Variants in SLC35F2 observed in about 807,000 individuals in gnomAD.
SLC35F2 encodes the protein queuine/queuosine transporter SLC35F2.
Under a neutral mutation model 38.1 loss-of-function variants are expected in SLC35F2, and 25 were observed. The observed-to-expected ratio is 0.66, with a 90% CI of 0.48 to 0.92. The LOEUF (loss-of-function observed/expected upper bound fraction) is 0.92, where lower values mean the gene tolerates loss of function less well. SLC35F2 is among the 40% of genes least tolerant of loss of function. SLC35F2 has a pLI of 0.00. For synonymous variants in SLC35F2, 173 were observed against 181.7 expected, an observed-to-expected ratio of 0.95 and a Z score of 0.38; for missense variants, 409 against 452.9, an observed-to-expected ratio of 0.90 and a Z score of 0.88.
intron 1 of SLC35F2, among the ~76,000 whole-genome samples, chr11:107,840,231 TC>T (rs1859993335): frequency 6.6e-6 from 1 of 152,192 alleles, no homozygotes; most frequent in African/African-American, 2.4e-5. Flanking sequence ...GCAGGTAGGA[TC>T]AGGAAGCATA....
chr11:107,834,117 T>C (rs1859892902), intron 1 of SLC35F2, among the ~76,000 whole-genome samples: 1 of 152,182 alleles, frequency 6.6e-6, no homozygotes, highest in East Asian at 1.9e-4. Context: ...AGGATCTACT[T>C]ACACAGGTTA....
intron 7 of SLC35F2, 134 bp downstream of exon 7, chr11:107,802,866 AG>A (rs1859332845): frequency 1.2e-6 from 1 of 815,474 alleles, no homozygotes; most frequent in Admixed American, 3.3e-5. Flanking sequence ...GAAGCAGCAA[AG>A]GGAGGCCTGA....
chr11:107,818,634 T>C (rs1378418710), intron 1 of SLC35F2, among the ~76,000 whole-genome samples: 2 of 152,246 alleles, frequency 1.3e-5, no homozygotes, highest in Non-Finnish European at 2.9e-5. Context: ...TTGATCAACA[T>C]GGTTTGAGAG....
rs992591920 is a variant in SLC35F2 at position 107,806,708 on chromosome 11, C to T, written c.574+9G>A. 5.6e-6 allele frequency: 9 copies of T among 1,613,542 alleles called. No homozygotes were observed. The highest frequency in any genetic ancestry group is 7.6e-6 in the Non-Finnish European group (9 of 1,179,632). ...GTGATTGAAGCACAAACATGTGACA[C>T]CGTCTCACCTGAATTGTCTTCCCTC... On this transcript the variant is annotated intron_variant, in intron 4 of 7. Coordinates refer to ENST00000525815, the MANE Select transcript of SLC35F2 (RefSeq NM_017515.5).
intron 1 of SLC35F2, among the ~76,000 whole-genome samples, chr11:107,841,683 A>C (rs926050684): frequency 2.6e-5 from 4 of 152,150 alleles, no homozygotes; most frequent in African/African-American, 7.2e-5. Context: ...CAAAAATTTT[A>C]AAGCCTGGCC....
intron 1 of SLC35F2, among the ~76,000 whole-genome samples, chr11:107,858,097 C>G (rs1315708693): frequency 6.6e-6 from 1 of 152,222 alleles, no homozygotes; most frequent in African/African-American, 2.4e-5. Context: ...CTTCCCTGGA[C>G]CCCAGCCCTG....
chr11:107,833,096 G>A (rs1296623037), intron 1 of SLC35F2, among the ~76,000 whole-genome samples: 1 of 152,172 alleles, frequency 6.6e-6, no homozygotes, highest in Non-Finnish European at 1.5e-5. Flanking sequence ...GCTAATGGAC[G>A]CCATCAGAAT....
chr11:107,793,293 G>A (rs956907699), intron 7 of SLC35F2, among the ~76,000 whole-genome samples: 1 of 152,156 alleles, frequency 6.6e-6, no homozygotes, highest in Non-Finnish European at 1.5e-5. Flanking sequence ...GGTGAATGAT[G>A]GGACTCTGCC....
intron 1 of SLC35F2, among the ~76,000 whole-genome samples, chr11:107,847,345 G>C (rs7945842): frequency 6.6e-6 from 1 of 152,102 alleles, no homozygotes. Context: ...GCAACCTCAC[G>C]CAGTCTACTA....
At chr11:107,857,221 A>AGGAGGGAG (rs201609405) in intron 1 of SLC35F2, among the ~76,000 whole-genome samples, 2 of 79,792 alleles carry the variant, frequency 2.5e-5, no homozygotes, top group Non-Finnish European at 2.3e-5. Flanking sequence ...GGAACAAAGA[A>AGGAGGGAG]GGAGGGAGGG....
chr11:107,837,604 G>A (rs1859950860), intron 1 of SLC35F2, among the ~76,000 whole-genome samples: 1 of 151,948 alleles, frequency 6.6e-6, no homozygotes, highest in African/African-American at 2.4e-5. Flanking sequence ...TGACGCAGGA[G>A]AATCAGTTGA....
chr11:107,822,676 G>A, intron 1 of SLC35F2, among the ~76,000 whole-genome samples: 1 of 152,156 alleles, frequency 6.6e-6, no homozygotes, highest in Non-Finnish European at 1.5e-5. Context: ...GGCAAATAGG[G>A]TATTTGCTAT....
At chr11:107,834,425 T>G (rs978451237) in intron 1 of SLC35F2, among the ~76,000 whole-genome samples, 1 of 152,018 alleles carries the variant, frequency 6.6e-6, no homozygotes, top group Non-Finnish European at 1.5e-5. Context: ...CTAAGGTGGG[T>G]GGATCACTTG....
At chr11:107,845,076 GTTA>G (rs1860084787) in intron 1 of SLC35F2, among the ~76,000 whole-genome samples, 1 of 151,798 alleles carries the variant, frequency 6.6e-6, no homozygotes, top group African/African-American at 2.4e-5. Flanking sequence ...CTCAACAAAT[GTTA>G]TTATTATTTT....
chr11:107,822,547 T>C (rs1351027248), intron 1 of SLC35F2, among the ~76,000 whole-genome samples: 1 of 152,146 alleles, frequency 6.6e-6, no homozygotes, highest in African/African-American at 2.4e-5. Context: ...AGCTCCACTG[T>C]GTGCCCCCAC....
chr11:107,829,399 A>G (rs1438099355), intron 1 of SLC35F2, among the ~76,000 whole-genome samples: 2 of 151,216 alleles, frequency 1.3e-5, no homozygotes, highest in East Asian at 3.9e-4. Flanking sequence ...AGTCTGGGTG[A>G]CAGAGTGAGA....
chr11:107,851,740 G>C (rs1368236613), intron 1 of SLC35F2, among the ~76,000 whole-genome samples: 1 of 152,044 alleles, frequency 6.6e-6, no homozygotes, highest in Non-Finnish European at 1.5e-5. Flanking sequence ...CTGACTCCTG[G>C]AGTCTAGTAG....
chr11:107,813,836 T>A (rs1033278622), intron 2 of SLC35F2, among the ~76,000 whole-genome samples: 1 of 152,118 alleles, frequency 6.6e-6, no homozygotes, highest in Admixed American at 6.6e-5. Context: ...AGCTAATTTT[T>A]GTATTTTTTG....
intron 1 of SLC35F2, chr11:107,823,937 A>G (rs1050126986): frequency 2.6e-5 from 25 of 947,566 alleles, no homozygotes; most frequent in Non-Finnish European, 3.1e-5. Flanking sequence ...AAAAAAAAAA[A>G]AAAAAAGAAA....
Sources: gnomAD v4.1 joint callset for allele counts (sites outside exome capture counted in the v4.1 genomes callset) on GRCh38, gnomAD v4.1.1 for gene constraint, MANE v1.5 for transcripts, NCBI Gene and HGNC (gene_info 2026-07-23, HGNC 2026-07-21) for gene names.